The following CAMTA1 variants were observed in gnomAD, a reference collection of about 807,000 sequenced individuals.
CAMTA1 encodes the protein calmodulin binding transcription activator 1.
CAMTA1 carries 27 observed loss-of-function variants against 170.9 expected under a neutral mutation model. That is an observed-to-expected ratio of 0.16 (90% CI 0.12 to 0.22). The LOEUF (loss-of-function observed/expected upper bound fraction) is 0.22, where lower values mean the gene tolerates loss of function less well. Among genes scored for constraint, CAMTA1 ranks in the 10% least tolerant of loss-of-function variants. The pLI is 1.00. For synonymous variants in CAMTA1, 833 were observed against 891.5 expected, an observed-to-expected ratio of 0.93 and a Z score of 1.17; for missense variants, 1,619 against 2,217.2, an observed-to-expected ratio of 0.73 and a Z score of 5.42.
chr1:6,956,220 C>A (rs1301056484), intron 3 of CAMTA1, among the ~76,000 whole-genome samples: 4 of 152,180 alleles, frequency 2.6e-5, no homozygotes, highest in Non-Finnish European at 5.9e-5. Context: ...GATCTCCTAT[C>A]AGCACCCTAG....
Position 7,234,120 on chromosome 1 carries a change from C to A in CAMTA1, c.303-15371C>A, listed in dbSNP as rs1663364045. Among the ~76,000 whole-genome samples, 1 of 152,182 alleles carries A rather than the reference C, an allele frequency of 6.6e-6. No homozygotes were observed. The highest frequency in any genetic ancestry group is 2.1e-4 in the South Asian group (1 of 4,824). On this transcript the variant is annotated intron_variant, in intron 4 of 22. Transcript: ENST00000303635. The surrounding 1 kb of genome is among the most constrained non-coding windows in gnomAD (Gnocchi z 5.0). ...TCTCTCATCACTCTTACAGTAAAAT[C>A]CACCCTGGTTCAGGAGCCCAGATTA... is the stretch of plus-strand genomic sequence containing the variant.
At chr1:7,068,926 C>G (rs1638230473) in intron 3 of CAMTA1, among the ~76,000 whole-genome samples, 2 of 152,202 alleles carry the variant, frequency 1.3e-5, no homozygotes, top group African/African-American at 4.8e-5. Flanking sequence ...GGAAGACACT[C>G]TCCTCTAAGT....
intron 5 of CAMTA1, among the ~76,000 whole-genome samples, chr1:7,402,021 G>A (rs2089940356): frequency 2.0e-5 from 3 of 152,240 alleles, no homozygotes; most frequent in African/African-American, 7.2e-5. Context: ...CCTAAAGCAA[G>A]GATTAAACCA....
intron 3 of CAMTA1, among the ~76,000 whole-genome samples, chr1:7,078,009 T>C (rs1311096889): frequency 2.8e-5 from 4 of 143,276 alleles, no homozygotes; most frequent in African/African-American, 7.9e-5. Flanking sequence ...CACACACACA[T>C]ACACACACTC....
intron 3 of CAMTA1, among the ~76,000 whole-genome samples, chr1:7,001,337 A>G (rs1698180509): frequency 6.6e-6 from 1 of 152,164 alleles, no homozygotes; most frequent in South Asian, 2.1e-4. Flanking sequence ...ACCGTTAGTA[A>G]CCCTACCTCT....
In CAMTA1 at chr1:6,918,124, T is replaced by C. The variant is rs1028989896; in HGVS notation, c.234+92914T>C. Among the ~76,000 whole-genome samples the C allele has an allele frequency of 2.0e-5, 3 of 152,124 alleles. No homozygotes were observed. Among genetic ancestry groups the C allele is most frequent in the Non-Finnish European group, 4.4e-5 (3 of 68,016 alleles). On this transcript the variant is annotated intron_variant, in intron 3 of 22. Transcript: ENST00000303635. This position sits in a 1 kb window ranked among gnomAD's most constrained non-coding sequence, Gnocchi z 4.0. ...GGCTCCTAATGGTGAAGGCCTCCCA[T>C]GCTCCTGTTTGGGAAGAATTATGCA...
intron 3 of CAMTA1, among the ~76,000 whole-genome samples, chr1:6,919,756 C>T (rs969026013): frequency 1.3e-5 from 2 of 152,202 alleles, no homozygotes; most frequent in East Asian, 1.9e-4. Context: ...GAGCAAGTCA[C>T]CTTATGCGGA....
intron 5 of CAMTA1, among the ~76,000 whole-genome samples, chr1:7,362,977 A>G (rs772013688): frequency 1.3e-5 from 2 of 152,234 alleles, no homozygotes; most frequent in African/African-American, 2.4e-5. Context: ...GATAGACTTG[A>G]TGCGTGTGGG....
chr1:7,653,905 G>A (rs1247430925), intron 7 of CAMTA1, among the ~76,000 whole-genome samples: 1 of 152,176 alleles, frequency 6.6e-6, no homozygotes, highest in Non-Finnish European at 1.5e-5. Flanking sequence ...GAAGGCTATT[G>A]TGATTTCTAT....
At chr1:7,120,055 G>T (rs1334758805) in intron 4 of CAMTA1, among the ~76,000 whole-genome samples, 2 of 152,140 alleles carry the variant, frequency 1.3e-5, no homozygotes, top group Non-Finnish European at 2.9e-5. Context: ...AGGAAACCGA[G>T]GCTGAGTAAC....
intron 3 of CAMTA1, among the ~76,000 whole-genome samples, chr1:7,089,065 A>G (rs1056340080): frequency 3.9e-5 from 6 of 152,202 alleles, no homozygotes; most frequent in Non-Finnish European, 7.3e-5. Context: ...GACCTGGACC[A>G]TTTTGGTACC....
At chr1:7,111,901 A>T (rs1032128498) in intron 4 of CAMTA1, among the ~76,000 whole-genome samples, 1 of 151,430 alleles carries the variant, frequency 6.6e-6, no homozygotes, top group Non-Finnish European at 1.5e-5. Context: ...AAAAAAAAAA[A>T]AAAAAAAAAA....
chr1:7,727,529 T>C (rs893387196), intron 11 of CAMTA1, among the ~76,000 whole-genome samples: 1 of 152,266 alleles, frequency 6.6e-6, no homozygotes, highest in African/African-American at 2.4e-5. Flanking sequence ...AAGTACTCCC[T>C]ACTGCCTGGT....
At chr1:6,992,636 T>G (rs1421590749) in intron 3 of CAMTA1, among the ~76,000 whole-genome samples, 1 of 152,172 alleles carries the variant, frequency 6.6e-6, no homozygotes, top group Non-Finnish European at 1.5e-5. Context: ...CTCAGGAAAC[T>G]TTCAATTATG....
intron 6 of CAMTA1, among the ~76,000 whole-genome samples, chr1:7,501,122 C>T (rs1170317748): frequency 1.3e-5 from 2 of 152,076 alleles, no homozygotes; most frequent in African/African-American, 2.4e-5. Flanking sequence ...GCGAGGCAGC[C>T]GAGAGAGTAT....
At chr1:6,928,565 C>T (rs1001200674) in intron 3 of CAMTA1, among the ~76,000 whole-genome samples, 13 of 152,134 alleles carry the variant, frequency 8.5e-5, no homozygotes, top group East Asian at 3.9e-4. Flanking sequence ...AGATGCCTGC[C>T]GTTGCCTGTT....
rs1021011980 is a variant in CAMTA1 at position 7,673,628 on chromosome 1, G to A, written c.2779+2591G>A. Among the ~76,000 whole-genome samples, 1 of 152,142 alleles carries A rather than the reference G, an allele frequency of 6.6e-6. No homozygotes were observed. Among genetic ancestry groups the A allele is most frequent in the African/African-American group, 2.4e-5 (1 of 41,410 alleles). On this transcript the variant is annotated intron_variant, in intron 10 of 22. Transcript: ENST00000303635. The surrounding 1 kb of genome is among the most constrained non-coding windows in gnomAD (Gnocchi z 4.6). ...AGCCATAATGTGTCTCGGACCAAGG[G>A]ACCAGGAGCCACAAGGCTCAAGGCA...
chr1:7,667,610 G>A (rs925148852), intron 9 of CAMTA1, among the ~76,000 whole-genome samples: 1 of 152,118 alleles, frequency 6.6e-6, no homozygotes, highest in African/African-American at 2.4e-5. Context: ...CCTGGGCTGG[G>A]TGCAGACCCA....
intron 6 of CAMTA1, among the ~76,000 whole-genome samples, chr1:7,495,125 G>C (rs2093805832): frequency 6.6e-6 from 1 of 152,162 alleles, no homozygotes; most frequent in African/African-American, 2.4e-5. Context: ...GGTAGCTGCA[G>C]AGAAATAAGA....
Sources: allele counts gnomAD v4.1 joint callset (sites outside exome capture counted in the v4.1 genomes callset), GRCh38; gene constraint gnomAD v4.1.1; non-coding constraint Gnocchi (gnomAD v3.1); transcripts MANE v1.5; gene names NCBI Gene and HGNC (gene_info 2026-07-23, HGNC 2026-07-21).